CPED1: variants seen among roughly 807,000 people sequenced by gnomAD.
The protein encoded by CPED1 is cadherin like and PC-esterase domain containing 1.
In CPED1, 114 loss-of-function variants were observed where a neutral mutation model predicts 128.2. The ratio of observed to expected loss-of-function variants is 0.89; its 90% confidence interval spans 0.76 to 1.04. CPED1 has a LOEUF of 1.04. Among genes scored for constraint, CPED1 ranks in the 50% least tolerant of loss-of-function variants. The pLI is 0.00. For synonymous variants in CPED1, 462 were observed against 426.7 expected (o/e 1.08, Z -1.02); for missense variants, 1,211 against 1,207.1 (o/e 1.00, Z -0.05).
chr7:121,024,455 C>G (rs556021495), intron 3 of CPED1, among the ~76,000 whole-genome samples: 2 of 152,176 alleles, frequency 1.3e-5, no homozygotes, highest in African/African-American at 4.8e-5. Context: ...TACCAAAGTC[C>G]CTAGCATTGC....
intron 16 of CPED1, among the ~76,000 whole-genome samples, chr7:121,217,456 C>A (rs1797782912): frequency 6.6e-6 from 1 of 151,942 alleles, no homozygotes; most frequent in Non-Finnish European, 1.5e-5. Context: ...CAAGATATAT[C>A]CTTGGAAGAT....
intron 16 of CPED1, among the ~76,000 whole-genome samples, chr7:121,178,848 T>C (rs146740203): frequency 6.6e-6 from 1 of 151,966 alleles, no homozygotes; most frequent in Non-Finnish European, 1.5e-5. Flanking sequence ...AATTGAAACC[T>C]GAAGGGGAAT....
chr7:121,261,537 G>C, intron 18 of CPED1: 1 of 1,530,364 alleles, frequency 6.5e-7, no homozygotes, highest in Non-Finnish European at 8.9e-7. Flanking sequence ...CCATGAGACT[G>C]AGTTCTAACC....
chr7:121,055,717 T>G (rs1189741063), intron 4 of CPED1, among the ~76,000 whole-genome samples: 1 of 151,876 alleles, frequency 6.6e-6, no homozygotes, highest in African/African-American at 2.4e-5. Flanking sequence ...AGTCAATACT[T>G]TGTTTTAATG....
chr7:120,996,283 C>CA (rs540959636), intron 2 of CPED1, among the ~76,000 whole-genome samples: 2,285 of 146,186 alleles, frequency 0.016, 26 homozygotes, highest in African/African-American at 0.033. Flanking sequence ...GCTCCTGTCT[C>CA]AAAAAAAAAA....
chr7:121,133,458 G>T (rs1795718273), intron 12 of CPED1, among the ~76,000 whole-genome samples: 1 of 152,038 alleles, frequency 6.6e-6, no homozygotes. Flanking sequence ...CTGTGCCTTG[G>T]TGATTCCAAG....
chr7:121,076,061 A>G (rs1217820824), intron 5 of CPED1, among the ~76,000 whole-genome samples: 1 of 152,176 alleles, frequency 6.6e-6, no homozygotes, highest in Non-Finnish European at 1.5e-5. Context: ...AATTCAGTAC[A>G]TGGTCATAGT....
At chr7:120,994,527 GA>G (rs1796360913) in intron 2 of CPED1, among the ~76,000 whole-genome samples, 1 of 151,986 alleles carries the variant, frequency 6.6e-6, no homozygotes, top group Non-Finnish European at 1.5e-5. Context: ...GGTAGAGAAA[GA>G]AAAAAGTATT....
At chr7:121,121,951 T>A (rs1290848271) in intron 7 of CPED1, among the ~76,000 whole-genome samples, 1 of 151,880 alleles carries the variant, frequency 6.6e-6, no homozygotes, top group Non-Finnish European at 1.5e-5. Flanking sequence ...GTGGTTCACT[T>A]AGTTAGTCTA....
chr7:121,102,097 ATTTAC>A (rs1484651590), intron 7 of CPED1, among the ~76,000 whole-genome samples: 3 of 151,858 alleles, frequency 2.0e-5, no homozygotes, highest in Non-Finnish European at 2.9e-5. Flanking sequence ...GTATATTTTT[ATTTAC>A]TTCTGATATT....
chr7:121,286,412 A>G (rs529479858), intron 22 of CPED1, among the ~76,000 whole-genome samples: 2 of 152,324 alleles, frequency 1.3e-5, no homozygotes, highest in South Asian at 4.1e-4. Context: ...TCAGTGTCAT[A>G]ACTAAACAAG....
chr7:121,284,798 G>A (rs1792533068), intron 22 of CPED1, among the ~76,000 whole-genome samples: 2 of 152,224 alleles, frequency 1.3e-5, no homozygotes, highest in South Asian at 4.1e-4. Flanking sequence ...CCTCCCAGCT[G>A]CTTTTACAGG....
chr7:121,214,043 C>T (rs1329020841), intron 16 of CPED1, among the ~76,000 whole-genome samples: 2 of 151,956 alleles, frequency 1.3e-5, no homozygotes, highest in African/African-American at 2.4e-5. Context: ...ATGATCTAGA[C>T]ATTTTGAAGA....
At chr7:121,262,455 T>A (rs1423860583) in intron 18 of CPED1, among the ~76,000 whole-genome samples, 1 of 152,094 alleles carries the variant, frequency 6.6e-6, no homozygotes, top group Non-Finnish European at 1.5e-5. Flanking sequence ...AATTCCTGTA[T>A]ACTCTGTGGT....
intron 3 of CPED1, among the ~76,000 whole-genome samples, chr7:121,023,630 A>G (rs950399312): frequency 6.6e-6 from 1 of 152,144 alleles, no homozygotes; most frequent in Non-Finnish European, 1.5e-5. Context: ...CGGGCAGAAG[A>G]GAGAAATAGC....
Position 120,989,523 on chromosome 7 carries a change from G to T in CPED1, c.-99G>T. 1 of 1,466,942 alleles carries T rather than the reference G, an allele frequency of 6.8e-7. No homozygotes were observed. Among genetic ancestry groups the T allele is most frequent in the Non-Finnish European group, 9.2e-7 (1 of 1,082,474 alleles). The allele number at this position is 1,466,942 out of a possible 1,614,324, so 90.9% of individuals were successfully genotyped here. ...ATGAAGCAAACTTGATTGGAGTTGGGGAAAAAGAAGACAGATTAGTATTTT... is the reference window on the plus strand; with the variant it reads ...ATGAAGCAAACTTGATTGGAGTTGGTGAAAAAGAAGACAGATTAGTATTTT... On this transcript the variant is annotated 5_prime_UTR_variant, in exon 2 of 23. Transcript: ENST00000310396.
intron 16 of CPED1, among the ~76,000 whole-genome samples, chr7:121,178,620 A>C (rs746853326): frequency 6.6e-6 from 1 of 152,094 alleles, no homozygotes; most frequent in East Asian, 1.9e-4. Context: ...TGTGTCCCAA[A>C]TTAAAATTGG....
intron 5 of CPED1, among the ~76,000 whole-genome samples, chr7:121,091,173 C>T (rs946995436): frequency 4.0e-5 from 5 of 124,026 alleles, no homozygotes; most frequent in Non-Finnish European, 7.0e-5. Context: ...ACTGCAGTAA[C>T]TGAAAAAAAA....
At chr7:121,080,685 T>G (rs991078135) in intron 5 of CPED1, among the ~76,000 whole-genome samples, 51 of 150,794 alleles carry the variant, frequency 3.4e-4, no homozygotes, top group African/African-American at 1.2e-3. Flanking sequence ...TATTATTTAC[T>G]TATGCATTTT....
Sources: gnomAD v4.1 joint callset for allele counts (sites outside exome capture counted in the v4.1 genomes callset) on GRCh38, gnomAD v4.1.1 for gene constraint, MANE v1.5 for transcripts, NCBI Gene and HGNC (gene_info 2026-07-23, HGNC 2026-07-21) for gene names.